NLGN1: variants seen among roughly 807,000 people sequenced by gnomAD.
NLGN1 encodes neuroligin 1.
A neutral mutation model predicts 65.5 loss-of-function variants in NLGN1; 12 were observed. The ratio of observed to expected loss-of-function variants is 0.18; its 90% confidence interval spans 0.12 to 0.30. NLGN1 has a LOEUF of 0.30. Among genes scored for constraint, NLGN1 ranks in the 10% least tolerant of loss-of-function variants. The probability of loss-of-function intolerance (pLI) is 1.00; values close to 1 mark genes in which losing one functional copy is unlikely to be tolerated. For missense variants in NLGN1, 750 were observed against 1,007.1 expected (o/e 0.74, Z 3.46); for synonymous variants, 350 against 359.5 (o/e 0.97, Z 0.30).
Position 174,206,235 on chromosome 3 carries a change from T to C in NLGN1, c.647-69080T>C, listed in dbSNP as rs568059132. ...ATCTTCTAAGCAGGTAACTCCAAAA[T>C]CCCTGAGGAGGCATTGTGTTCCTTT... On this transcript the variant is annotated intron_variant, in intron 4 of 6. Coordinates refer to ENST00000457714, the Ensembl canonical transcript of NLGN1. Among the ~76,000 whole-genome samples the C allele has an allele frequency of 9.2e-5, 14 of 152,212 alleles. No individual in the cohort carries two copies. The East Asian group carries it at 2.5e-3, about 27-fold the overall frequency.
chr3:173,976,295 C>T (rs928097421), intron 4 of NLGN1, among the ~76,000 whole-genome samples: 1 of 152,042 alleles, frequency 6.6e-6, no homozygotes, highest in Non-Finnish European at 1.5e-5. Flanking sequence ...CTTAACAACA[C>T]AGACTAGCTA....
intron 4 of NLGN1, among the ~76,000 whole-genome samples, chr3:173,881,587 G>A (rs1733315975): frequency 1.3e-5 from 2 of 151,522 alleles, no homozygotes; most frequent in African/African-American, 2.4e-5. Flanking sequence ...ACCACGCCTG[G>A]CTAATTTTTT....
chr3:173,834,947 G>A (rs1256465743), intron 4 of NLGN1, among the ~76,000 whole-genome samples: 2 of 152,200 alleles, frequency 1.3e-5, no homozygotes, highest in East Asian at 3.8e-4. Flanking sequence ...CATCACGCCA[G>A]CAACAAACCA....
chr3:174,105,765 A>C (rs1713634516), intron 4 of NLGN1, among the ~76,000 whole-genome samples: 1 of 146,850 alleles, frequency 6.8e-6, no homozygotes, highest in South Asian at 2.2e-4. Context: ...TACCTAATGA[A>C]GTCCTATTAC....
chr3:173,826,325 A>G (rs1274091235), intron 4 of NLGN1, among the ~76,000 whole-genome samples: 1 of 152,064 alleles, frequency 6.6e-6, no homozygotes, highest in Non-Finnish European at 1.5e-5. Flanking sequence ...GTAGAGAAAG[A>G]GTAGTCACAG....
intron 3 of NLGN1, among the ~76,000 whole-genome samples, chr3:173,721,875 A>G (rs1476193219): frequency 6.6e-6 from 1 of 151,984 alleles, no homozygotes; most frequent in African/African-American, 2.4e-5. Flanking sequence ...AGGAAAAAGA[A>G]CCAAGTATGC....
chr3:173,859,967 C>T (rs1178403486), intron 4 of NLGN1, among the ~76,000 whole-genome samples: 2 of 151,986 alleles, frequency 1.3e-5, no homozygotes, highest in East Asian at 1.9e-4. Flanking sequence ...TTGATCAAAT[C>T]CTGCCAGATG....
At chr3:174,181,563 G>T (rs1424094310) in intron 4 of NLGN1, among the ~76,000 whole-genome samples, 2 of 152,116 alleles carry the variant, frequency 1.3e-5, no homozygotes, top group East Asian at 1.9e-4. Flanking sequence ...AAGAGAGCCT[G>T]CCCTGCAGAA....
chr3:173,760,813 G>T (rs1241741293), intron 3 of NLGN1, among the ~76,000 whole-genome samples: 1 of 151,976 alleles, frequency 6.6e-6, no homozygotes, highest in Non-Finnish European at 1.5e-5. Flanking sequence ...TGTAGATTTT[G>T]CTGTAGTACA....
At chr3:173,409,989 G>A (rs1712173328) in intron 1 of NLGN1, among the ~76,000 whole-genome samples, 1 of 152,122 alleles carries the variant, frequency 6.6e-6, no homozygotes, top group Non-Finnish European at 1.5e-5. Flanking sequence ...GGAAAGGGGT[G>A]ACACAAATGA....
At chr3:174,232,247 G>T (rs1740845056) in intron 4 of NLGN1, among the ~76,000 whole-genome samples, 2 of 152,266 alleles carry the variant, frequency 1.3e-5, no homozygotes, top group African/African-American at 4.8e-5. Flanking sequence ...TGCTCGGTAG[G>T]GGAGCTTTTG....
intron 4 of NLGN1, among the ~76,000 whole-genome samples, chr3:174,002,608 A>C (rs753131617): frequency 1.3e-5 from 2 of 152,168 alleles, no homozygotes; most frequent in Non-Finnish European, 2.9e-5. Flanking sequence ...CCCCTCATGA[A>C]ATAGCTAATA....
chr3:173,804,672 A>AC (rs34611286), intron 3 of NLGN1, among the ~76,000 whole-genome samples: 15 of 150,454 alleles, frequency 1.0e-4, no homozygotes, highest in East Asian at 3.9e-4. Flanking sequence ...AAAAAAAAAA[A>AC]CCCTATAAAC....
intron 3 of NLGN1, among the ~76,000 whole-genome samples, chr3:173,704,638 T>C (rs1003951718): frequency 1.3e-5 from 2 of 152,194 alleles, no homozygotes; most frequent in Non-Finnish European, 2.9e-5. Context: ...ATTATTTTGG[T>C]CACTCTGCCT....
intron 4 of NLGN1, among the ~76,000 whole-genome samples, chr3:174,261,956 C>A (rs1490170922): frequency 1.4e-5 from 2 of 145,958 alleles, no homozygotes; most frequent in Non-Finnish European, 3.0e-5. Flanking sequence ...TGGTTTTTGT[C>A]TTTGGCTCTG....
At chr3:173,874,214 G>T (rs181496928) in intron 4 of NLGN1, among the ~76,000 whole-genome samples, 16 of 152,182 alleles carry the variant, frequency 1.1e-4, no homozygotes, top group Admixed American at 5.2e-4. Context: ...GCAGTCAAGA[G>T]ACTTTCCAGT....
intron 4 of NLGN1, among the ~76,000 whole-genome samples, chr3:173,931,812 T>C (rs1027550874): frequency 6.6e-6 from 1 of 152,080 alleles, no homozygotes; most frequent in African/African-American, 2.4e-5. Context: ...TAAGAGACTA[T>C]TGTAATAATC....
chr3:173,472,144 A>T (rs977575319), intron 2 of NLGN1, among the ~76,000 whole-genome samples: 2 of 152,274 alleles, frequency 1.3e-5, no homozygotes, highest in Middle Eastern at 3.4e-3. Flanking sequence ...CGCTATTCTC[A>T]GTTCTCAAAC....
At chr3:173,904,600 A>G (rs1738019561) in intron 4 of NLGN1, among the ~76,000 whole-genome samples, 1 of 151,842 alleles carries the variant, frequency 6.6e-6, no homozygotes. Context: ...TGGCAGCTGG[A>G]GGAGGATATG....
Sources: gnomAD v4.1 joint callset for allele counts (sites outside exome capture counted in the v4.1 genomes callset) on GRCh38, gnomAD v4.1.1 for gene constraint, MANE v1.5 for transcripts, NCBI Gene and HGNC (gene_info 2026-07-23, HGNC 2026-07-21) for gene names.